Variants in ARMC8 observed in about 807,000 individuals in gnomAD.
The protein encoded by ARMC8 is armadillo repeat containing 8.
A neutral mutation model predicts 99.3 loss-of-function variants in ARMC8; 20 were observed. The ratio of observed to expected loss-of-function variants is 0.20; its 90% confidence interval spans 0.14 to 0.29. The LOEUF is 0.29. ARMC8 is among the 10% of genes least tolerant of loss of function. The pLI, the probability that ARMC8 is intolerant of heterozygous loss-of-function variation, is 1.00. For missense variants in ARMC8, 569 were observed against 809.5 expected, an observed-to-expected ratio of 0.70 and a Z score of 3.60; for synonymous variants, 263 against 278.3, an observed-to-expected ratio of 0.95 and a Z score of 0.55.
chr3:138,221,006 A>G (rs1345745501), intron 2 of ARMC8, among the ~76,000 whole-genome samples: 2 of 151,846 alleles, frequency 1.3e-5, no homozygotes, highest in African/African-American at 4.8e-5. Context: ...GTTTTTTTAA[A>G]CATTTTATTA....
intron 12 of ARMC8, chr3:138,262,276 T>C (rs2047819366): frequency 2.6e-6 from 1 of 390,118 alleles, no homozygotes; most frequent in Non-Finnish European, 4.6e-6. Context: ...CAGAGAGTGA[T>C]TGTGCATATC....
At chr3:138,288,872 G>A (rs960906133) in intron 19 of ARMC8, 176 bp from the exon 20 acceptor site, 2 of 544,494 alleles carry the variant, frequency 3.7e-6, no homozygotes, top group African/African-American at 1.9e-5. Context: ...ACCTGACCTC[G>A]ATCTTCCACC....
chr3:138,201,973 C>T (rs995038184), intron 1 of ARMC8, among the ~76,000 whole-genome samples: 11 of 152,130 alleles, frequency 7.2e-5, no homozygotes, highest in Non-Finnish European at 1.6e-4. Context: ...TGCTATGAAA[C>T]CCTGAGGGTA....
Position 138,220,347 on chromosome 3 carries a change from A to G in ARMC8, c.123-1579A>G, listed in dbSNP as rs954132517. 2.0e-5 allele frequency among the ~76,000 whole-genome samples: 3 copies of G among 152,302 alleles called. No homozygotes were observed. The South Asian group carries it at 6.2e-4, about 32-fold the overall frequency. ...TCAGTTCAGTCCCATAAACAACAAC[A>G]AAAAAATTGCTACTTATTTCTTGTA... is the stretch of plus-strand genomic sequence containing the variant. On this transcript the variant is annotated intron_variant, in intron 2 of 21. Coordinates refer to ENST00000469044, the MANE Select transcript of ARMC8 (RefSeq NM_001363941.2).
intron 12 of ARMC8, among the ~76,000 whole-genome samples, chr3:138,251,102 G>A (rs1319778826): frequency 1.3e-5 from 2 of 151,738 alleles, no homozygotes; most frequent in East Asian, 3.9e-4. Context: ...AGTGAGCCGT[G>A]ATCACACTGT....
chr3:138,204,052 C>T (rs928924356), intron 1 of ARMC8, among the ~76,000 whole-genome samples: 2 of 152,184 alleles, frequency 1.3e-5, no homozygotes, highest in Middle Eastern at 3.2e-3. Context: ...ATTTCTTCCT[C>T]TATTTTTACT....
chr3:138,249,299 G>T (rs1047738864), intron 12 of ARMC8, among the ~76,000 whole-genome samples: 1 of 151,818 alleles, frequency 6.6e-6, no homozygotes, highest in African/African-American at 2.4e-5. Flanking sequence ...ATAGTCAGGG[G>T]TTTCACTGTT....
intron 7 of ARMC8, among the ~76,000 whole-genome samples, chr3:138,235,547 G>A (rs983463061): frequency 6.6e-6 from 1 of 152,166 alleles, no homozygotes. Flanking sequence ...TAGTTAAAAA[G>A]TAAAGAGTTT....
At chr3:138,264,447 T>C (rs2108268221) in intron 14 of ARMC8, among the ~76,000 whole-genome samples, 1 of 134,096 alleles carries the variant, frequency 7.5e-6, no homozygotes, top group African/African-American at 2.8e-5. Flanking sequence ...TGAGATGTAG[T>C]CTAGCTCTGT....
At chr3:138,219,155 G>C (rs968399744) in intron 2 of ARMC8, among the ~76,000 whole-genome samples, 7 of 152,180 alleles carry the variant, frequency 4.6e-5, no homozygotes, top group African/African-American at 1.7e-4. Flanking sequence ...TCTAGATTAT[G>C]ATGAAGATGA....
intron 12 of ARMC8, chr3:138,262,337 A>G: frequency 5.0e-6 from 3 of 603,780 alleles, no homozygotes; most frequent in Non-Finnish European, 8.6e-6. Flanking sequence ...ATCAATATGT[A>G]AATGTTTTGG....
chr3:138,275,877 T>C (rs1192763712), intron 18 of ARMC8, among the ~76,000 whole-genome samples: 1 of 152,168 alleles, frequency 6.6e-6, no homozygotes, highest in African/African-American at 2.4e-5. Flanking sequence ...GAAAAAAATT[T>C]AACACAGAGA....
intron 2 of ARMC8, among the ~76,000 whole-genome samples, chr3:138,218,063 C>T (rs1004315619): frequency 6.6e-6 from 1 of 152,128 alleles, no homozygotes; most frequent in Non-Finnish European, 1.5e-5. Context: ...TGCCTAGTAC[C>T]AAGCATTGTG....
intron 14 of ARMC8, among the ~76,000 whole-genome samples, chr3:138,266,876 TAA>T (rs1039514561): frequency 1.7e-4 from 26 of 152,252 alleles, no homozygotes; most frequent in African/African-American, 6.3e-4. Flanking sequence ...GCATTTCACA[TAA>T]GAGTATCTTC....
intron 1 of ARMC8, among the ~76,000 whole-genome samples, chr3:138,202,278 A>G (rs571557687): frequency 3.9e-5 from 6 of 152,240 alleles, no homozygotes; most frequent in Non-Finnish European, 8.8e-5. Flanking sequence ...TTGTAATGCT[A>G]TTTTAATTTC....
chr3:138,188,314 G>A (rs2043191105), intron 1 of ARMC8: 7 of 1,134,722 alleles, frequency 6.2e-6, no homozygotes, highest in Middle Eastern at 3.0e-4. Context: ...GGGAAAAGGG[G>A]GTGAGATTTA....
At chr3:138,263,717 C>T (rs1390510898) in intron 12 of ARMC8, 22 bp from the exon 13 acceptor site, 14 of 1,587,254 alleles carry the variant, frequency 8.8e-6, no homozygotes, top group Non-Finnish European at 1.2e-5. Context: ...GTTATTTATG[C>T]AGCATTAACC....
chr3:138,192,717 T>C, intron 1 of ARMC8, among the ~76,000 whole-genome samples: 1 of 151,656 alleles, frequency 6.6e-6, no homozygotes, highest in Non-Finnish European at 1.5e-5. Context: ...TGCCTGGCCA[T>C]GTAGACGGGG....
At chr3:138,256,110 C>G (rs535597540) in intron 12 of ARMC8, among the ~76,000 whole-genome samples, 1 of 152,276 alleles carries the variant, frequency 6.6e-6, no homozygotes, top group Admixed American at 6.5e-5. Context: ...GATGGGAAAC[C>G]CTGCAGTTTT....
Sources: gnomAD v4.1 joint callset for allele counts (sites outside exome capture counted in the v4.1 genomes callset) on GRCh38, gnomAD v4.1.1 for gene constraint, MANE v1.5 for transcripts, NCBI Gene and HGNC (gene_info 2026-07-23, HGNC 2026-07-21) for gene names.